Variants in RORB observed in about 807,000 individuals in gnomAD.
The protein encoded by RORB is nuclear receptor ROR-beta.
A neutral mutation model predicts 59.1 loss-of-function variants in RORB; 6 were observed. The ratio of observed to expected loss-of-function variants is 0.10; its 90% CI spans 0.06 to 0.20. The LOEUF (loss-of-function observed/expected upper bound fraction) is 0.20, where lower values mean the gene tolerates loss of function less well. Among genes scored for constraint, RORB ranks in the 10% least tolerant of loss-of-function variants. The pLI, the probability that RORB is intolerant of heterozygous loss-of-function variation, is 1.00. For synonymous variants in RORB, 215 were observed against 204.5 expected, an observed-to-expected ratio of 1.05 and a Z score of -0.44; for missense variants, 320 against 560.5, an observed-to-expected ratio of 0.57 and a Z score of 4.33.
At chr9:74,521,776 C>T (rs1826089054) in intron 1 of RORB, among the ~76,000 whole-genome samples, 1 of 151,666 alleles carries the variant, frequency 6.6e-6, no homozygotes, top group East Asian at 1.9e-4. Context: ...GTACCTGTCA[C>T]GAGTGTCTGT....
chr9:74,650,385 A>ATGGGC (rs1031523841), intron 4 of RORB, among the ~76,000 whole-genome samples: 1 of 152,182 alleles, frequency 6.6e-6, no homozygotes, highest in African/African-American at 2.4e-5. Context: ...AAAATACCAC[A>ATGGGC]TGGGCTATGG....
chr9:74,594,237 C>T (rs982836545), intron 1 of RORB, among the ~76,000 whole-genome samples: 1 of 152,174 alleles, frequency 6.6e-6, no homozygotes, highest in African/African-American at 2.4e-5. Flanking sequence ...ACGAGTGAGA[C>T]CTTTGCATTA....
chr9:74,562,424 A>T (rs1346832361), intron 1 of RORB, among the ~76,000 whole-genome samples: 1 of 152,224 alleles, frequency 6.6e-6, no homozygotes, highest in Non-Finnish European at 1.5e-5. Context: ...AATGCATTTT[A>T]TACCAAGGAT....
At chr9:74,652,704 C>A (rs12352112) in intron 4 of RORB, among the ~76,000 whole-genome samples, 1 of 151,944 alleles carries the variant, frequency 6.6e-6, no homozygotes, top group South Asian at 2.1e-4. Flanking sequence ...TTATGCCATT[C>A]GCTGATATGT....
At chr9:74,617,355 T>C (rs1823330125) in intron 1 of RORB, among the ~76,000 whole-genome samples, 1 of 152,190 alleles carries the variant, frequency 6.6e-6, no homozygotes, top group African/African-American at 2.4e-5. Context: ...AATTTGAAAA[T>C]TATAATGTTA....
chr9:74,528,996 TG>T (rs1826194811), intron 1 of RORB, among the ~76,000 whole-genome samples: 1 of 152,044 alleles, frequency 6.6e-6, no homozygotes, highest in Admixed American at 6.6e-5. Context: ...TTTCAAAAAA[TG>T]GTTGATTGAA....
chr9:74,661,772 G>GT lies in RORB; in HGVS notation c.760-701dup, dbSNP rs544835374. Among the ~76,000 whole-genome samples, 463 of 146,032 alleles carry GT rather than the reference G, an allele frequency of 3.2e-3. 1 individual carries two copies. The highest frequency in any genetic ancestry group is 0.012 in the African/African-American group (454 of 38,480). On this transcript the variant is annotated intron_variant, in intron 5 of 9. Transcript: ENST00000376896. ...CCATTCTCCTGCCTCAGCCTCCCGA[G>GT]TAGCTGGGACTACAGGCGCCCCCCC...
At chr9:74,517,983 T>A (rs1381519575) in intron 1 of RORB, among the ~76,000 whole-genome samples, 2 of 151,940 alleles carry the variant, frequency 1.3e-5, no homozygotes, top group Non-Finnish European at 2.9e-5. Flanking sequence ...CACAGAGAGG[T>A]TAAGTCATTT....
intron 4 of RORB, among the ~76,000 whole-genome samples, chr9:74,657,960 G>A (rs958716889): frequency 1.5e-5 from 2 of 137,582 alleles, no homozygotes; most frequent in East Asian, 2.2e-4. Flanking sequence ...AGCCAAGATC[G>A]TGCCACTGCC....
chr9:74,618,333 G>A (rs1238824825), intron 1 of RORB, among the ~76,000 whole-genome samples: 1 of 152,000 alleles, frequency 6.6e-6, no homozygotes, highest in Non-Finnish European at 1.5e-5. Context: ...ATTAGATTAG[G>A]AAGAGAAATG....
intron 3 of RORB, among the ~76,000 whole-genome samples, chr9:74,640,163 T>A (rs990940101): frequency 6.6e-6 from 1 of 152,202 alleles, no homozygotes; most frequent in Admixed American, 6.5e-5. Flanking sequence ...AATTACTAGA[T>A]AATTATCACT....
At chr9:74,559,750 G>A (rs545476756) in intron 1 of RORB, among the ~76,000 whole-genome samples, 1 of 152,128 alleles carries the variant, frequency 6.6e-6, no homozygotes, top group South Asian at 2.1e-4. Context: ...CACCTTGATA[G>A]CAATATTGAA....
intron 1 of RORB, among the ~76,000 whole-genome samples, chr9:74,548,900 G>T (rs185958961): frequency 6.6e-6 from 1 of 152,006 alleles, no homozygotes; most frequent in Non-Finnish European, 1.5e-5. Flanking sequence ...CCGTAATATG[G>T]ATAATACCTC....
chr9:74,539,225 A>C (rs1287986035), intron 1 of RORB, among the ~76,000 whole-genome samples: 2 of 152,216 alleles, frequency 1.3e-5, no homozygotes, highest in East Asian at 3.8e-4. Context: ...ACCACAGCAG[A>C]AAATTGTAAG....
At position 74,627,593 on chromosome 9, in the gene RORB, T is replaced by G. The variant is rs550703166; in HGVS notation, c.8-2689T>G. 1.2e-4 allele frequency among the ~76,000 whole-genome samples: 19 copies of G among 152,288 alleles called. No homozygotes were observed. In the South Asian group the frequency reaches 3.5e-3, roughly 28 times the overall value. ...GGGGGCAAATTATCTCTATTTTCAT[T>G]TCCTTTAAAGTTAGATCATTTTATA... On this transcript the variant is annotated intron_variant, in intron 1 of 9. Transcript: ENST00000376896.
chr9:74,604,850 T>C (rs1007701446), intron 1 of RORB, among the ~76,000 whole-genome samples: 1 of 152,208 alleles, frequency 6.6e-6, no homozygotes, highest in South Asian at 2.1e-4. Flanking sequence ...ACAATTTTCA[T>C]TTACCACTTA....
intron 1 of RORB, among the ~76,000 whole-genome samples, chr9:74,622,717 G>C (rs1437625867): frequency 1.3e-5 from 2 of 151,800 alleles, no homozygotes; most frequent in Non-Finnish European, 2.9e-5. Flanking sequence ...AGTAGAGACA[G>C]GGTTTCACCA....
At chr9:74,654,679 A>G (rs1436504788) in intron 4 of RORB, among the ~76,000 whole-genome samples, 5 of 152,162 alleles carry the variant, frequency 3.3e-5, no homozygotes, top group African/African-American at 1.2e-4. Context: ...ACTTTCTGAG[A>G]CTTCTTTTTA....
At chr9:74,567,549 A>C (rs1288454938) in intron 1 of RORB, among the ~76,000 whole-genome samples, 1 of 152,198 alleles carries the variant, frequency 6.6e-6, no homozygotes, top group Admixed American at 6.5e-5. Flanking sequence ...AGCTCTCAGA[A>C]ACAGGAACAT....
Sources: gnomAD v4.1 joint callset for allele counts (sites outside exome capture counted in the v4.1 genomes callset) on GRCh38, gnomAD v4.1.1 for gene constraint, MANE v1.5 for transcripts, NCBI Gene and HGNC (gene_info 2026-07-23, HGNC 2026-07-21) for gene names.